XKR6: variants seen among roughly 807,000 people sequenced by gnomAD.
The protein encoded by XKR6 is XK related 6.
Under a neutral mutation model 56.7 loss-of-function variants are expected in XKR6, and 22 were observed. The observed-to-expected ratio is 0.39, with a 90% CI of 0.28 to 0.55. The LOEUF (loss-of-function observed/expected upper bound fraction) is 0.55, where lower values mean the gene tolerates loss of function less well. XKR6 is among the 20% of genes least tolerant of loss of function. The probability of loss-of-function intolerance (pLI) is 0.66; values close to 1 mark genes in which losing one functional copy is unlikely to be tolerated. For synonymous variants in XKR6, 524 were observed against 387.8 expected, an observed-to-expected ratio of 1.35 and a Z score of -4.13; for missense variants, 852 against 889.0, an observed-to-expected ratio of 0.96 and a Z score of 0.53.
At chr8:10,988,509 G>A (rs12546969) in intron 1 of XKR6, among the ~76,000 whole-genome samples, 7,815 of 152,188 alleles carry the variant, frequency 0.051, 667 homozygotes, top group African/African-American at 0.18. Context: ...CCACTGTCAC[G>A]TAGATGCAAC....
intron 1 of XKR6, among the ~76,000 whole-genome samples, chr8:10,925,329 G>C (rs1294129872): frequency 6.6e-6 from 1 of 152,222 alleles, no homozygotes; most frequent in Non-Finnish European, 1.5e-5. Context: ...CAGGTGGTAA[G>C]TAGGAGGGTA....
At chr8:11,174,490 C>G (rs1023221392) in intron 1 of XKR6, among the ~76,000 whole-genome samples, 17 of 152,180 alleles carry the variant, frequency 1.1e-4, no homozygotes, top group African/African-American at 4.1e-4. Context: ...CAGCTGCTGC[C>G]TAAATACTAT....
At chr8:11,178,318 T>G (rs141144368) in intron 1 of XKR6, among the ~76,000 whole-genome samples, 1 of 151,902 alleles carries the variant, frequency 6.6e-6, no homozygotes, top group African/African-American at 2.4e-5. Flanking sequence ...CTTTAAAAAC[T>G]ACAAATGGGC....
chr8:11,081,321 G>C (rs966282621), intron 1 of XKR6, among the ~76,000 whole-genome samples: 1 of 152,216 alleles, frequency 6.6e-6, no homozygotes, highest in South Asian at 2.1e-4. Context: ...TGTTCCTGCA[G>C]GGGTAGAATT....
intron 1 of XKR6, among the ~76,000 whole-genome samples, chr8:10,945,638 C>T (rs1191956148): frequency 2.6e-5 from 4 of 152,206 alleles, no homozygotes; most frequent in Admixed American, 2.6e-4. Context: ...TGATATGAGG[C>T]ACACGACCTG....
At chr8:11,011,967 C>A (rs951908677) in intron 1 of XKR6, among the ~76,000 whole-genome samples, 4 of 152,228 alleles carry the variant, frequency 2.6e-5, no homozygotes, top group African/African-American at 7.2e-5. Context: ...TGGCAGGGAA[C>A]AAATGAGCCA....
intron 1 of XKR6, among the ~76,000 whole-genome samples, chr8:10,980,479 T>C (rs1461089431): frequency 6.6e-6 from 1 of 152,218 alleles, no homozygotes; most frequent in Admixed American, 6.5e-5. Context: ...GGGATGCTCA[T>C]TCATTGTGTT....
intron 1 of XKR6, among the ~76,000 whole-genome samples, chr8:11,193,871 A>G (rs988382449): frequency 2.0e-5 from 3 of 152,152 alleles, no homozygotes; most frequent in African/African-American, 7.2e-5. Context: ...AGATTACAAA[A>G]AAAAGACTAC....
At chr8:11,113,344 G>T (rs1798999918) in intron 1 of XKR6, among the ~76,000 whole-genome samples, 2 of 151,986 alleles carry the variant, frequency 1.3e-5, no homozygotes, top group South Asian at 4.2e-4. Context: ...AAAGGACATG[G>T]TCCATCAGAA....
intron 1 of XKR6, among the ~76,000 whole-genome samples, chr8:11,079,154 C>T (rs1800349214): frequency 6.6e-6 from 1 of 152,212 alleles, no homozygotes; most frequent in Non-Finnish European, 1.5e-5. Flanking sequence ...CCTCCTTCTT[C>T]CCATGAAAAA....
chr8:11,036,477 A>G lies in XKR6; in HGVS notation c.765-111647T>C, dbSNP rs144806540. 7.2e-3 allele frequency among the ~76,000 whole-genome samples: 1,090 copies of G among 152,294 alleles called. 12 individuals carry two copies. The highest frequency in any genetic ancestry group is 0.023 in the African/African-American group (966 of 41,554). The stretch of plus-strand genomic sequence containing the variant: ...TACCGGCAGCATCAGCATCAATGGG[A>G]GCTTGTTAGGAATGCACATTCTTAG... On this transcript the variant is annotated intron_variant, in intron 1 of 2. Coordinates refer to ENST00000416569, the MANE Select transcript of XKR6 (RefSeq NM_173683.4).
chr8:11,076,407 C>T (rs1286789919), intron 1 of XKR6, among the ~76,000 whole-genome samples: 1 of 152,106 alleles, frequency 6.6e-6, no homozygotes, highest in African/African-American at 2.4e-5. Context: ...ATTTTACGAT[C>T]GTGACTTGAA....
At chr8:11,022,882 G>T (rs1220498118) in intron 1 of XKR6, among the ~76,000 whole-genome samples, 2 of 152,124 alleles carry the variant, frequency 1.3e-5, no homozygotes, top group African/African-American at 4.8e-5. Context: ...ACCTGTGTAA[G>T]GTCCTCCACG....
At chr8:10,932,171 A>C (rs1188587468) in intron 1 of XKR6, among the ~76,000 whole-genome samples, 1 of 152,236 alleles carries the variant, frequency 6.6e-6, no homozygotes, top group Non-Finnish European at 1.5e-5. Flanking sequence ...AGTACTTCAT[A>C]TCTGTTAAAA....
intron 2 of XKR6, among the ~76,000 whole-genome samples, chr8:10,910,085 T>C (rs1800306069): frequency 1.3e-5 from 2 of 152,162 alleles, no homozygotes; most frequent in South Asian, 4.2e-4. Flanking sequence ...CTAGGGGACA[T>C]TTGTCGACAT....
intron 1 of XKR6, among the ~76,000 whole-genome samples, chr8:11,107,048 A>C (rs183309978): frequency 2.6e-5 from 4 of 152,154 alleles, no homozygotes; most frequent in African/African-American, 9.6e-5. Flanking sequence ...CATGACAATG[A>C]GAGGAAAGAA....
chr8:11,061,606 C>T (rs896395521), intron 1 of XKR6, among the ~76,000 whole-genome samples: 1 of 152,190 alleles, frequency 6.6e-6, no homozygotes, highest in African/African-American at 2.4e-5. Context: ...TTCATTCATT[C>T]ATTCATTCAT....
intron 1 of XKR6, among the ~76,000 whole-genome samples, chr8:11,110,011 C>T (rs950600229): frequency 5.9e-5 from 9 of 152,140 alleles, no homozygotes; most frequent in African/African-American, 1.4e-4. Flanking sequence ...CTTACTCTGT[C>T]GCCCAGGCTG....
At chr8:11,162,340 TCC>T (rs1801854973) in intron 1 of XKR6, among the ~76,000 whole-genome samples, 1 of 152,078 alleles carries the variant, frequency 6.6e-6, no homozygotes, top group African/African-American at 2.4e-5. Flanking sequence ...AGAGCTACAC[TCC>T]AGCCTCCCAA....
Sources: gnomAD v4.1 joint callset for allele counts (sites outside exome capture counted in the v4.1 genomes callset) on GRCh38, gnomAD v4.1.1 for gene constraint, MANE v1.5 for transcripts, NCBI Gene and HGNC (gene_info 2026-07-23, HGNC 2026-07-21) for gene names.